The following IMPDH1 variants were observed in gnomAD, a reference collection of about 807,000 sequenced individuals.
IMPDH1 encodes inosine monophosphate dehydrogenase 1.
IMPDH1 carries 41 observed loss-of-function variants against 73.5 expected under a neutral mutation model. The ratio of observed to expected loss-of-function variants is 0.56; its 90% CI spans 0.43 to 0.72. The LOEUF is 0.72. Ranked by LOEUF, IMPDH1 falls within the 30% of genes least tolerant of loss-of-function variation. IMPDH1 has a pLI of 0.00. For synonymous variants in IMPDH1, 318 were observed against 334.3 expected (o/e 0.95, Z 0.53); for missense variants, 645 against 824.8 (o/e 0.78, Z 2.67).
intron 5 of IMPDH1, among the ~76,000 whole-genome samples, chr7:128,402,843 A>G (rs962132580): frequency 2.6e-5 from 4 of 152,196 alleles, no homozygotes; most frequent in African/African-American, 9.6e-5. Context: ...GATTCGGCTC[A>G]CTGATGAGCC....
intron 3 of IMPDH1, 82 bp downstream of exon 3, chr7:128,409,207 G>T: frequency 7.9e-7 from 1 of 1,266,466 alleles, no homozygotes; most frequent in Non-Finnish European, 1.1e-6. Context: ...GGGGGCCTGC[G>T]TCTTCGGAGA....
intron 2 of IMPDH1, 26 bp downstream of exon 2, chr7:128,409,415 G>C: frequency 6.2e-7 from 1 of 1,614,200 alleles, no homozygotes; most frequent in African/African-American, 1.3e-5. Flanking sequence ...AGCAAGCACT[G>C]TTTGAACCCC....
Position 128,400,909 on chromosome 7 carries a change from T to A in IMPDH1, c.505-18A>T, listed in dbSNP as rs1437800423. ...CCCATCAGCTGATGTAGAAGGGAAG[T>A]GTGGTCAGAGCCGGGGCCCATTCCT... On this transcript the variant is annotated intron_variant, in intron 6 of 16. Transcript: ENST00000338791. 1 of 1,612,240 alleles carries A rather than the reference T, an allele frequency of 6.2e-7. No individual in the cohort carries two copies. Among genetic ancestry groups the A allele is most frequent in the East Asian group, 2.2e-5 (1 of 44,886 alleles).
In IMPDH1 at chr7:128,394,766, C is replaced by T. The variant is rs1797792327; in HGVS notation, c.1550+123G>A. 1 of 1,431,608 alleles carries T rather than the reference C, an allele frequency of 7.0e-7. No homozygotes were observed. The highest frequency in any genetic ancestry group is 1.7e-5 in the Admixed American group (1 of 58,098). The allele number at this position is 1,431,608 out of a possible 1,614,324, so 88.7% of individuals were successfully genotyped here. On this transcript the variant is annotated intron_variant, in intron 14 of 16. Transcript: ENST00000338791. This position sits in a 1 kb window ranked among gnomAD's most constrained non-coding sequence, Gnocchi z 5.5. Reference sequence around the variant, plus strand: ...AGATCCTGGGTCTGCTACTTAAGCCCTGTGCCTCAGTTTCCAGAACCACCA... The same window carrying T: ...AGATCCTGGGTCTGCTACTTAAGCCTTGTGCCTCAGTTTCCAGAACCACCA...
In IMPDH1 at chr7:128,400,147, T is replaced by C; in HGVS notation, c.822A>G (p.Pro274=). 6.2e-7 allele frequency: 1 copy of C among 1,614,126 alleles called. No individual in the cohort carries two copies. Among genetic ancestry groups the C allele is most frequent in the Non-Finnish European group, 8.5e-7 (1 of 1,180,044 alleles). Residue 274 remains proline (P), a synonymous_variant, in exon 9 of 17, where the codon CCA becomes CCG. Coordinates refer to ENST00000338791, the MANE Select transcript of IMPDH1 (RefSeq NM_000883.4). The part of the protein sequence containing the change: ...MTPRIELVVA[P]AGVTLKEANE... ...TTGCCTCTTTCAACGTCACACCTGC[T>C]GGAGCCACCACCAGTTCAATCCTTG...
intron 9 of IMPDH1, among the ~76,000 whole-genome samples, chr7:128,399,865 G>A (rs535009391): frequency 2.2e-4 from 33 of 152,260 alleles, no homozygotes; most frequent in Middle Eastern, 3.4e-3. Context: ...GATGAGCATC[G>A]CATAGGACTA....
chr7:128,395,307 G>T (rs747402224), intron 12 of IMPDH1, 33 bp from the exon 13 acceptor site: 1 of 1,611,414 alleles, frequency 6.2e-7, no homozygotes. Context: ...AGGCAGAGAA[G>T]AGTCAACAGC....
Position 128,405,751 on chromosome 7 carries a change from G to A in IMPDH1, c.353+16C>T, listed in dbSNP as rs57893981. 3.3e-6 allele frequency: 5 copies of A among 1,532,976 alleles called. No homozygotes were observed. The highest frequency in any genetic ancestry group is 1.4e-5 in the African/African-American group (1 of 70,760). The allele number at this position is 1,532,976 out of a possible 1,614,324, so 95.0% of individuals were successfully genotyped here. On this transcript the variant is annotated intron_variant, in intron 4 of 16. Coordinates refer to ENST00000338791, the MANE Select transcript of IMPDH1 (RefSeq NM_000883.4). ...CGTGGATGCGCGCACCTAGGGGTAC[G>A]AGACCCGGCGCTTACTTGTAGGTGA...
At position 128,398,204 on chromosome 7, in the gene IMPDH1, G is replaced by A. The variant is rs567531439; in HGVS notation, c.1074+210C>T. ...CCCCAGGGCTGGAGTGCAGTGGCAC[G>A]ATCCTAGCTCACTGTGACCTTGAAC... On this transcript the variant is annotated intron_variant, in intron 10 of 16. Coordinates refer to ENST00000338791, the MANE Select transcript of IMPDH1 (RefSeq NM_000883.4). This position sits in a 1 kb window ranked among gnomAD's most constrained non-coding sequence, Gnocchi z 4.3. 8.5e-5 allele frequency among the ~76,000 whole-genome samples: 13 copies of A among 152,248 alleles called. No individual in the cohort carries two copies. The highest frequency in any genetic ancestry group is 2.1e-4 in the South Asian group (1 of 4,824).
At position 128,394,371 on chromosome 7, in the gene IMPDH1, AGG is replaced by A; in HGVS notation, c.1695-12_1695-11del. Reference sequence around the variant, plus strand: ...TGAGTACATCATGGACCTAGGAGGAAGGTAGGTGGAGCAGATCAGGGCCACCA... The same window carrying A: ...TGAGTACATCATGGACCTAGGAGGAATAGGTGGAGCAGATCAGGGCCACCA... On this transcript the variant is annotated splice_polypyrimidine_tract_variant and intron_variant, in intron 15 of 16. Transcript: ENST00000338791. This position sits in a 1 kb window ranked among gnomAD's most constrained non-coding sequence, Gnocchi z 5.5. 6.2e-7 allele frequency: 1 copy of A among 1,613,710 alleles called. No homozygotes were observed. Among genetic ancestry groups the A allele is most frequent in the Non-Finnish European group, 8.5e-7 (1 of 1,179,668 alleles).
chr7:128,403,120 T>A (rs900621075), intron 5 of IMPDH1, among the ~76,000 whole-genome samples: 1 of 152,016 alleles, frequency 6.6e-6, no homozygotes, highest in Admixed American at 6.5e-5. Flanking sequence ...CTTCTGAACC[T>A]GCCCACAGGC....
In IMPDH1 at chr7:128,400,345, G is replaced by A. The variant is rs1798234999; in HGVS notation, c.774C>T (p.Thr258=). 2 of 1,613,456 alleles carry A rather than the reference G, an allele frequency of 1.2e-6. No individual in the cohort carries two copies. The highest frequency in any genetic ancestry group is 1.7e-4 in the Middle Eastern group (1 of 6,042). ...GCCCTGCAGGTACCTCACTGAGGAG[G>A]GTGGTGTGGTCCTTCTCAGCAAGAA... ...IDFLAEKDHT[T]LLSEVMTPRI... The change falls in exon 8 of 17, where the codon ACC becomes ACT. Residue 258 remains threonine (T), a synonymous_variant. Coordinates refer to ENST00000338791, the MANE Select transcript of IMPDH1 (RefSeq NM_000883.4).
chr7:128,395,729 C>T (rs1398786483), intron 12 of IMPDH1, among the ~76,000 whole-genome samples: 2 of 152,256 alleles, frequency 1.3e-5, no homozygotes, highest in Non-Finnish European at 2.9e-5. Flanking sequence ...AGGAACCACA[C>T]CTGTCTAGGG....
chr7:128,400,995 C>A lies in IMPDH1; in HGVS notation c.504+20G>T. On this transcript the variant is annotated intron_variant, in intron 6 of 16. Coordinates refer to ENST00000338791, the MANE Select transcript of IMPDH1 (RefSeq NM_000883.4). ...CAGTTCCTGTGTGCCCTGGAGTCCC[C>A]ATGCAGGTGTGTAACTCACAGCCAT... 6.2e-7 allele frequency: 1 copy of A among 1,607,080 alleles called. No individual in the cohort carries two copies. Among genetic ancestry groups the A allele is most frequent in the Non-Finnish European group, 8.5e-7 (1 of 1,173,648 alleles).
chr7:128,400,755 G>A (rs1230128530), intron 7 of IMPDH1, 62 bp downstream of exon 7: 1 of 1,424,224 alleles, frequency 7.0e-7, no homozygotes, highest in African/African-American at 1.4e-5. Flanking sequence ...GGGGAGGCTG[G>A]GAGGGCCTCT....
At chr7:128,401,395 C>T (rs755529247) in intron 5 of IMPDH1, among the ~76,000 whole-genome samples, 1 of 152,212 alleles carries the variant, frequency 6.6e-6, no homozygotes, top group Non-Finnish European at 1.5e-5. Flanking sequence ...GGGAAAGCCT[C>T]TTTCCTGGGA....
chr7:128,402,130 C>T (rs976119973), intron 5 of IMPDH1, among the ~76,000 whole-genome samples: 22 of 151,740 alleles, frequency 1.4e-4, no homozygotes, highest in African/African-American at 5.1e-4. Context: ...TCTGATGGAG[C>T]CTCATTCTGT....
In IMPDH1 at chr7:128,398,685, A is replaced by G. The variant is rs1798102086; in HGVS notation, c.875-72T>C. On this transcript the variant is annotated intron_variant, in intron 9 of 16. Coordinates refer to ENST00000338791, the MANE Select transcript of IMPDH1 (RefSeq NM_000883.4). The surrounding 1 kb of genome is among the most constrained non-coding windows in gnomAD (Gnocchi z 4.3). ...AGTTTGGGAGATGTTTAGGAGGGTG[A>G]AGATGAAAGTGGACCACTCCAGAGA... The G allele has an allele frequency of 7.8e-7, 1 of 1,281,082 alleles. No homozygotes were observed. The highest frequency in any genetic ancestry group is 1.5e-5 in the African/African-American group (1 of 68,560). 79.4% of individuals were successfully genotyped at this position (1,281,082 alleles called of 1,614,324 possible).
At chr7:128,395,764 G>A (rs1797872477) in intron 12 of IMPDH1, among the ~76,000 whole-genome samples, 1 of 152,250 alleles carries the variant, frequency 6.6e-6, no homozygotes, top group African/African-American at 2.4e-5. Flanking sequence ...GGATAAACCA[G>A]AGATGGCGCC....
Sources: allele counts gnomAD v4.1 joint callset (sites outside exome capture counted in the v4.1 genomes callset), GRCh38; gene constraint gnomAD v4.1.1; non-coding constraint Gnocchi (gnomAD v3.1); transcripts MANE v1.5; gene names NCBI Gene and HGNC (gene_info 2026-07-23, HGNC 2026-07-21).